Variants in ANXA11 observed in about 807,000 individuals in gnomAD.
ANXA11 encodes the protein annexin A11.
Under a neutral mutation model 64.7 loss-of-function variants are expected in ANXA11, and 57 were observed. That is an observed-to-expected ratio of 0.88 (90% confidence interval 0.71 to 1.10). The LOEUF is 1.10. Ranked by LOEUF, ANXA11 falls within the 50% of genes least tolerant of loss-of-function variation. The pLI is 0.00. For synonymous variants in ANXA11, 260 were observed against 265.2 expected (o/e 0.98, Z 0.19); for missense variants, 675 against 670.7 (o/e 1.01, Z -0.07).
intron 2 of ANXA11, among the ~76,000 whole-genome samples, chr10:80,175,614 T>G (rs898111683): frequency 6.6e-6 from 1 of 151,012 alleles, no homozygotes; most frequent in Non-Finnish European, 1.5e-5. Flanking sequence ...AGAAAAAAAC[T>G]TAGGAAAAAA....
intron 1 of ANXA11, among the ~76,000 whole-genome samples, chr10:80,194,527 G>A (rs533806209): frequency 1.3e-5 from 2 of 152,172 alleles, no homozygotes; most frequent in Admixed American, 6.5e-5. Flanking sequence ...GAAGAGTCGG[G>A]GGGGGAAGAC....
intron 3 of ANXA11, chr10:80,171,217 T>G: frequency 4.0e-6 from 5 of 1,245,464 alleles, no homozygotes; most frequent in Non-Finnish European, 5.1e-6. Context: ...CCCTCCCAAG[T>G]TCACCATCAT....
At chr10:80,166,525 C>A in intron 7 of ANXA11, 1 of 439,456 alleles carries the variant, frequency 2.3e-6, no homozygotes, top group East Asian at 4.4e-5. Flanking sequence ...CATACACGCC[C>A]CTCGTACTTG....
intron 1 of ANXA11, among the ~76,000 whole-genome samples, chr10:80,177,235 C>T (rs929193502): frequency 1.2e-4 from 18 of 152,078 alleles, no homozygotes; most frequent in African/African-American, 3.4e-4. Flanking sequence ...ATGATCCGCC[C>T]GCCTCAGCCT....
chr10:80,188,694 C>T (rs1280368463), intron 1 of ANXA11, among the ~76,000 whole-genome samples: 1 of 148,462 alleles, frequency 6.7e-6, no homozygotes, highest in East Asian at 1.9e-4. Context: ...CCCCACCTAC[C>T]TTGGATTACT....
In ANXA11 at chr10:80,167,767, C is replaced by T. The variant is rs183551114; in HGVS notation, c.562-454G>A. Among the ~76,000 whole-genome samples the T allele has an allele frequency of 2.0e-3, 310 of 152,364 alleles. 15 individuals carry two copies. The highest frequency in any genetic ancestry group is 1.6e-3 in the Non-Finnish European group (106 of 68,030). ...GGATGCAGGTATTGAGCCTCCACAACTGTGCATGGCAGCCTGATGACCTCT... is the reference window on the plus strand; with the variant it reads ...GGATGCAGGTATTGAGCCTCCACAATTGTGCATGGCAGCCTGATGACCTCT... On this transcript the variant is annotated intron_variant, in intron 5 of 15. Coordinates refer to ENST00000422982, the MANE Select transcript of ANXA11 (RefSeq NM_145868.2).
chr10:80,174,095 C>T (rs1318845035), intron 2 of ANXA11, among the ~76,000 whole-genome samples: 2 of 152,174 alleles, frequency 1.3e-5, no homozygotes, highest in Non-Finnish European at 2.9e-5. Flanking sequence ...CGCTCTGTCA[C>T]CCAGACTGGA....
At position 80,163,585 on chromosome 10, in the gene ANXA11, A is replaced by G. The variant is rs1364126939; in HGVS notation, c.978T>C (p.Ile326=). 6 of 1,563,514 alleles carry G rather than the reference A, an allele frequency of 3.8e-6. No homozygotes were observed. In the East Asian group the frequency reaches 1.4e-4, roughly 37 times the overall value. The change falls in exon 10 of 16, where the codon ATT becomes ATC. Residue 326 remains isoleucine (I), a synonymous_variant. Coordinates refer to ENST00000422982, the MANE Select transcript of ANXA11 (RefSeq NM_145868.2). ...AEFKKTLEEA[I]RSDTSGHFQR... ...GGAAGTGCCCTGATGTGTCGCTTCGAATGGCCTCTTCCAGGGTCTTTTTGA... is the reference window on the plus strand; with the variant it reads ...GGAAGTGCCCTGATGTGTCGCTTCGGATGGCCTCTTCCAGGGTCTTTTTGA...
intron 5 of ANXA11, among the ~76,000 whole-genome samples, chr10:80,168,661 G>A (rs1354870984): frequency 6.6e-6 from 1 of 152,030 alleles, no homozygotes; most frequent in Non-Finnish European, 1.5e-5. Context: ...AGCCTCCCGA[G>A]TAGCTGGGCC....
At chr10:80,193,830 A>C (rs1846877680) in intron 1 of ANXA11, among the ~76,000 whole-genome samples, 1 of 148,278 alleles carries the variant, frequency 6.7e-6, no homozygotes, top group African/African-American at 2.5e-5. Flanking sequence ...AAAAAAAAAG[A>C]CAGAATATTA....
Position 80,158,201 on chromosome 10 carries a change from T to C in ANXA11, c.1277-176A>G, listed in dbSNP as rs3862518. ...TATCCCATGATCTTGGCTCCAGCTA[T>C]TTGGAACAGAAACACGCAAAGCCTG... is the stretch of plus-strand genomic sequence containing the variant. On this transcript the variant is annotated intron_variant, in intron 13 of 15. Transcript: ENST00000422982. 0.097 allele frequency among the ~76,000 whole-genome samples: 14,784 copies of C among 152,200 alleles called. 912 individuals carry two copies. Among genetic ancestry groups the C allele is most frequent in the South Asian group, 0.24 (1,150 of 4,822 alleles).
chr10:80,162,798 T>C (rs886708517), intron 11 of ANXA11, among the ~76,000 whole-genome samples: 1 of 152,194 alleles, frequency 6.6e-6, no homozygotes, highest in Non-Finnish European at 1.5e-5. Flanking sequence ...CAGGAAGTAA[T>C]GGCTCTGCCC....
intron 1 of ANXA11, among the ~76,000 whole-genome samples, chr10:80,193,034 G>A (rs1846838827): frequency 6.6e-6 from 1 of 152,126 alleles, no homozygotes; most frequent in Non-Finnish European, 1.5e-5. Context: ...AGAAGTCCCG[G>A]GACAACAGCT....
chr10:80,183,463 C>A (rs545608304), intron 1 of ANXA11, among the ~76,000 whole-genome samples: 1 of 152,238 alleles, frequency 6.6e-6, no homozygotes, highest in African/African-American at 2.4e-5. Context: ...TACAGACTCA[C>A]AAAATGTCCA....
rs577155803 is a variant in ANXA11, at chr10:80,176,366, A to G, written c.-57-211T>C. ...TGCAGTACTGTGTATGTACTAAGCT[A>G]ATAAAAAACCCAGAAACATACAAAC... On this transcript the variant is annotated intron_variant, in intron 1 of 15. Coordinates refer to ENST00000422982, the MANE Select transcript of ANXA11 (RefSeq NM_145868.2). 1.3e-3 allele frequency among the ~76,000 whole-genome samples: 199 copies of G among 152,240 alleles called. 1 individual carries two copies. The highest frequency in any genetic ancestry group is 3.4e-4 in the Non-Finnish European group (23 of 67,982).
chr10:80,179,407 C>G (rs762919811), intron 1 of ANXA11, among the ~76,000 whole-genome samples: 12 of 152,210 alleles, frequency 7.9e-5, no homozygotes, highest in Non-Finnish European at 1.8e-4. Context: ...CCAATTAAAC[C>G]TCTTTTCTTT....
chr10:80,181,255 A>T (rs1846343731), intron 1 of ANXA11: 1 of 152,212 alleles, frequency 6.6e-6, no homozygotes. Context: ...GTTTGACACC[A>T]GCCTGGGCAA....
chr10:80,174,298 A>G (rs1363837848), intron 2 of ANXA11, among the ~76,000 whole-genome samples: 1 of 151,810 alleles, frequency 6.6e-6, no homozygotes, highest in Non-Finnish European at 1.5e-5. Context: ...TTTTTTTGAG[A>G]CAGGGTCTCA....
At position 80,166,146 on chromosome 10, in the gene ANXA11, T is replaced by C. The variant is rs753389224; in HGVS notation, c.796A>G (p.Ile266Val). 23 of 1,613,620 alleles carry C rather than the reference T, an allele frequency of 1.4e-5. No individual in the cohort carries two copies. The highest frequency in any genetic ancestry group is 1.8e-5 in the Non-Finnish European group (21 of 1,179,786). The change falls in exon 8 of 16, where the codon ATC (isoleucine) becomes GTC (valine). Residue 266 changes from isoleucine (I) to valine (V), a missense_variant. Physicochemically the swap from Ile to Val is conservative, Grantham distance 29. Transcript: ENST00000422982. Reference sequence around the variant, plus strand: ...ACTGGGGTCTTCATCAGAGCCAAGATTGTCTTCTCAAAGTTTCCTGACAGT... The same window carrying C: ...ACTGGGGTCTTCATCAGAGCCAAGACTGTCTTCTCAAAGTTTCCTGACAGT... ...SELSGNFEKTILALMKTPVLF... is the reference protein window; with the variant it reads ...SELSGNFEKTVLALMKTPVLF...
Sources: gnomAD v4.1 joint callset for allele counts (sites outside exome capture counted in the v4.1 genomes callset) on GRCh38, gnomAD v4.1.1 for gene constraint, MANE v1.5 for transcripts, NCBI Gene and HGNC (gene_info 2026-07-23, HGNC 2026-07-21) for gene names.